The following WDR70 variants were observed in gnomAD, a reference collection of about 807,000 sequenced individuals.
WDR70 encodes the protein WD repeat-containing protein 70.
A neutral mutation model predicts 88.6 loss-of-function variants in WDR70; 53 were observed. The observed-to-expected ratio is 0.60, with a 90% CI of 0.48 to 0.75. The LOEUF is 0.75. Among genes scored for constraint, WDR70 ranks in the 30% least tolerant of loss-of-function variants. WDR70 has a pLI of 0.00. For synonymous variants in WDR70, 280 were observed against 270.0 expected, an observed-to-expected ratio of 1.04 and a Z score of -0.36; for missense variants, 610 against 823.2, an observed-to-expected ratio of 0.74 and a Z score of 3.17.
intron 7 of WDR70, chr5:37,479,464 G>A (rs1475794983): frequency 6.3e-6 from 1 of 159,592 alleles, no homozygotes; most frequent in African/African-American, 2.4e-5. Flanking sequence ...CTGCCTCCCA[G>A]GTTCAAGCAA....
At position 37,514,356 on chromosome 5, in the gene WDR70, A is replaced by ATATATATATATG. The variant is rs771375976; in HGVS notation, c.841-2155_841-2154insATATATATGTAT. 1.2e-3 allele frequency among the ~76,000 whole-genome samples: 66 copies of ATATATATATATG among 54,418 alleles called. 1 individual carries two copies. The highest frequency in any genetic ancestry group is 5.9e-3 in the Admixed American group (23 of 3,916). The allele number at this position is 54,418 out of a possible 152,430, so 35.7% of individuals were successfully genotyped here. Reference sequence around the variant, plus strand: ...TAGAACTACATATATATATATATATATATGTATGTATGTATGTTTATGTAT... The same window carrying ATATATATATATG: ...TAGAACTACATATATATATATATATATATATATATATGTATGTATGTATGTATGTTTATGTAT... On this transcript the variant is annotated intron_variant, in intron 8 of 17. Coordinates refer to ENST00000265107, the MANE Select transcript of WDR70 (RefSeq NM_018034.4).
chr5:37,748,843 G>A (rs1748712851), intron 17 of WDR70, among the ~76,000 whole-genome samples: 1 of 152,084 alleles, frequency 6.6e-6, no homozygotes, highest in Non-Finnish European at 1.5e-5. Context: ...ATGCGGCCAA[G>A]AAACATGAAA....
At chr5:37,639,510 C>G (rs1167979660) in intron 10 of WDR70, among the ~76,000 whole-genome samples, 2 of 152,144 alleles carry the variant, frequency 1.3e-5, no homozygotes, top group African/African-American at 4.8e-5. Flanking sequence ...GTTTTTATAT[C>G]TTAATTCCTT....
At chr5:37,676,684 T>C (rs1248229013) in intron 10 of WDR70, among the ~76,000 whole-genome samples, 1 of 152,046 alleles carries the variant, frequency 6.6e-6, no homozygotes, top group East Asian at 1.9e-4. Flanking sequence ...AGGATATTGG[T>C]CTAAAATTCT....
At chr5:37,552,349 G>A (rs1285451033) in intron 9 of WDR70, among the ~76,000 whole-genome samples, 4 of 152,154 alleles carry the variant, frequency 2.6e-5, no homozygotes, top group African/African-American at 9.7e-5. Flanking sequence ...CTTAGGCAAC[G>A]TATTTGTCCT....
intron 17 of WDR70, among the ~76,000 whole-genome samples, chr5:37,751,053 T>G (rs1007423139): frequency 6.6e-6 from 1 of 152,252 alleles, no homozygotes; most frequent in Admixed American, 6.5e-5. Context: ...TCAGATATCC[T>G]TGGAAGACCT....
At chr5:37,692,894 G>GC (rs1396621337) in intron 10 of WDR70, among the ~76,000 whole-genome samples, 1 of 79,808 alleles carries the variant, frequency 1.3e-5, no homozygotes, top group Admixed American at 1.9e-4. Flanking sequence ...AAGAAATAAA[G>GC]GTATTCAGTT....
chr5:37,683,549 C>T (rs796808143), intron 10 of WDR70, among the ~76,000 whole-genome samples: 31 of 152,212 alleles, frequency 2.0e-4, no homozygotes, highest in African/African-American at 7.5e-4. Context: ...GTAATGAATT[C>T]CCTCAGTATT....
intron 8 of WDR70, among the ~76,000 whole-genome samples, chr5:37,492,207 G>C (rs1740087656): frequency 6.6e-6 from 1 of 152,196 alleles, no homozygotes; most frequent in African/African-American, 2.4e-5. Flanking sequence ...AAAAAATTAT[G>C]AGTTCATTTG....
chr5:37,675,795 A>T (rs897903136), intron 10 of WDR70, among the ~76,000 whole-genome samples: 17 of 152,080 alleles, frequency 1.1e-4, no homozygotes, highest in African/African-American at 3.1e-4. Context: ...CTTGATGGGG[A>T]TGGCATTGAA....
At chr5:37,657,848 C>T (rs956987978) in intron 10 of WDR70, among the ~76,000 whole-genome samples, 7 of 152,098 alleles carry the variant, frequency 4.6e-5, no homozygotes, top group Admixed American at 3.9e-4. Flanking sequence ...CAGAACATAC[C>T]GTGTACTTTC....
At chr5:37,456,178 CT>C (rs967262433) in intron 7 of WDR70, among the ~76,000 whole-genome samples, 3 of 152,142 alleles carry the variant, frequency 2.0e-5, no homozygotes, top group African/African-American at 7.2e-5. Context: ...AACTGCCCAA[CT>C]TTTTAAAAAT....
chr5:37,499,409 C>T (rs780676750), intron 8 of WDR70, among the ~76,000 whole-genome samples: 11 of 151,576 alleles, frequency 7.3e-5, no homozygotes, highest in Non-Finnish European at 1.0e-4. Flanking sequence ...CCACCACACC[C>T]GGCCTGTGTT....
chr5:37,508,650 T>C (rs1740631088), intron 8 of WDR70, among the ~76,000 whole-genome samples: 1 of 152,224 alleles, frequency 6.6e-6, no homozygotes, highest in African/African-American at 2.4e-5. Context: ...CAAAGCCTTC[T>C]TGGTTGCAAT....
intron 10 of WDR70, among the ~76,000 whole-genome samples, chr5:37,655,599 A>T (rs979660649): frequency 1.3e-4 from 19 of 151,880 alleles, no homozygotes; most frequent in African/African-American, 4.6e-4. Flanking sequence ...TGGTTTTTTC[A>T]TATAGTCCCA....
At chr5:37,713,215 GT>G (rs1747566947) in intron 13 of WDR70, among the ~76,000 whole-genome samples, 1 of 152,134 alleles carries the variant, frequency 6.6e-6, no homozygotes, top group Admixed American at 6.5e-5. Flanking sequence ...GGCCAATCAC[GT>G]GCTGCCTTAG....
chr5:37,641,194 C>A (rs1745093164), intron 10 of WDR70, among the ~76,000 whole-genome samples: 1 of 152,174 alleles, frequency 6.6e-6, no homozygotes, highest in African/African-American at 2.4e-5. Flanking sequence ...ACTGCAACTG[C>A]AACCCACCCC....
At position 37,722,945 on chromosome 5, in the gene WDR70, A is replaced by G; in HGVS notation, c.1597+11A>G. The G allele has an allele frequency of 6.2e-7, 1 of 1,613,382 alleles. No individual in the cohort carries two copies. Among genetic ancestry groups the G allele is most frequent in the South Asian group, 1.1e-5 (1 of 91,066 alleles). The stretch of plus-strand genomic sequence containing the variant: ...ACTACATCATCACCCGTAAGTCGTT[A>G]ACATGCCTCTCAATCATGCATCTCT... On this transcript the variant is annotated intron_variant, in intron 15 of 17. Transcript: ENST00000265107.
chr5:37,476,554 T>TC (rs1739491875), intron 7 of WDR70, among the ~76,000 whole-genome samples: 1 of 32,996 alleles, frequency 3.0e-5, no homozygotes, highest in African/African-American at 3.5e-5. Flanking sequence ...TTTTTCTTCT[T>TC]CTTTTTTTTT....
Sources: gnomAD v4.1 joint callset for allele counts (sites outside exome capture counted in the v4.1 genomes callset) on GRCh38, gnomAD v4.1.1 for gene constraint, MANE v1.5 for transcripts, NCBI Gene and HGNC (gene_info 2026-07-23, HGNC 2026-07-21) for gene names.